The following NRAP variants were observed in gnomAD, a reference collection of about 807,000 sequenced individuals.
The protein encoded by NRAP is nebulin related anchoring protein.
In NRAP, 189 loss-of-function variants were observed where a neutral mutation model predicts 225.9. The ratio of observed to expected loss-of-function variants is 0.84; its 90% confidence interval spans 0.74 to 0.94. The LOEUF (loss-of-function observed/expected upper bound fraction) is 0.94, where lower values mean the gene tolerates loss of function less well. NRAP is among the 40% of genes least tolerant of loss of function. NRAP has a pLI of 0.00. For synonymous variants in NRAP, 769 were observed against 790.7 expected (o/e 0.97, Z 0.46); for missense variants, 2,176 against 2,168.7 (o/e 1.00, Z -0.07).
chr10:113,638,494 G>C (rs778500452), intron 14 of NRAP, among the ~76,000 whole-genome samples: 1 of 152,096 alleles, frequency 6.6e-6, no homozygotes, highest in Non-Finnish European at 1.5e-5. Context: ...GACCACAATT[G>C]TTCTTGTAAA....
At chr10:113,608,314 A>G (rs1592752082) in intron 32 of NRAP, 100 bp downstream of exon 32, 1 of 709,734 alleles carries the variant, frequency 1.4e-6, no homozygotes. Flanking sequence ...ACCTCCACAT[A>G]AACACCCATG....
At chr10:113,597,864 T>C (rs1300420599) in intron 36 of NRAP, 105 bp downstream of exon 36, 4 of 817,720 alleles carry the variant, frequency 4.9e-6, no homozygotes, top group South Asian at 1.4e-5. Flanking sequence ...GGGAGTCCAG[T>C]GGCCATGAGG....
At chr10:113,643,899 G>A (rs1849349770) in intron 11 of NRAP, among the ~76,000 whole-genome samples, 1 of 151,998 alleles carries the variant, frequency 6.6e-6, no homozygotes, top group African/African-American at 2.4e-5. Flanking sequence ...CATCCCTTCA[G>A]TTACAGTATA....
intron 14 of NRAP, among the ~76,000 whole-genome samples, chr10:113,636,922 G>A (rs12773577): frequency 0.084 from 12,556 of 148,972 alleles, 646 homozygotes; most frequent in South Asian, 0.18. Flanking sequence ...CAGGAGAATC[G>A]CTTAAATGTG....
Position 113,597,102 on chromosome 10 carries a change from T to TA in NRAP, c.4414dup (p.Tyr1472LeufsTer6). On this transcript the variant is annotated frameshift_variant, in exon 37 of 42. Transcript: ENST00000359988. LOFTEE classifies it high-confidence loss of function. ...AGGACCCACCTCATTGCAGTGCATA[T>TA]AGCTGTTCTTGGCATGAACCAGGTC... 1 of 1,612,154 alleles carries TA rather than the reference T, an allele frequency of 6.2e-7. No individual in the cohort carries two copies. The highest frequency in any genetic ancestry group is 8.5e-7 in the Non-Finnish European group (1 of 1,178,196).
intron 1 of NRAP, 73 bp from the exon 2 acceptor site, chr10:113,663,519 G>T (rs948198818): frequency 1.7e-4 from 159 of 950,970 alleles, no homozygotes; most frequent in Non-Finnish European, 2.3e-4. Flanking sequence ...ATATTTTAGG[G>T]TAAAAAAATG....
Position 113,663,360 on chromosome 10 carries a change from G to T in NRAP, c.159C>A (p.Tyr53Ter). 1 of 1,605,076 alleles carries T rather than the reference G, an allele frequency of 6.2e-7. No individual in the cohort carries two copies. The highest frequency in any genetic ancestry group is 8.5e-7 in the Non-Finnish European group (1 of 1,171,738). The change falls in exon 2 of 42, where the codon TAC (tyrosine) becomes TAA (stop). Residue 53 changes from tyrosine (Y) to a stop codon, truncating the protein, a stop_gained. Coordinates refer to ENST00000359988, the MANE Select transcript of NRAP (RefSeq NM_198060.4). LOFTEE classifies it high-confidence loss of function. ...GGGCATCAAACACTTACGCGTGACAGTACGGCTTTTTCTGGTGACTCACAA... is the reference window on the plus strand; with the variant it reads ...GGGCATCAAACACTTACGCGTGACATTACGGCTTTTTCTGGTGACTCACAA... ...NNFVSHQKKP[Y>*]CHAHNPKNNT...
Position 113,641,405 on chromosome 10 carries a change from C to T in NRAP, c.1283G>A (p.Arg428His), listed in dbSNP as rs757025097. The T allele has an allele frequency of 4.6e-5, 74 of 1,613,604 alleles. No homozygotes were observed. Among genetic ancestry groups the T allele is most frequent in the South Asian group, 1.9e-4 (17 of 91,048 alleles). Reference protein sequence around the residue: ...GRYEGVGMDRRTLHAMKVGSL... With the variant: ...GRYEGVGMDRHTLHAMKVGSL... ...GCCAACTTTCATAGCATGCAGAGTG[C>T]GTCTGTCCATACCAACTCCTTCATA... The change falls in exon 13 of 42, where the codon CGC (arginine) becomes CAC (histidine). Residue 428 changes from arginine to histidine, a missense_variant. Coordinates refer to ENST00000359988, the MANE Select transcript of NRAP (RefSeq NM_198060.4).
Position 113,663,822 on chromosome 10 carries a change from A to G in NRAP, c.61T>C (p.Cys21Arg), listed in dbSNP as rs1485422942. The G allele has an allele frequency of 6.2e-6, 10 of 1,613,122 alleles. No individual in the cohort carries two copies. The highest frequency in any genetic ancestry group is 8.5e-6 in the Non-Finnish European group (10 of 1,179,086). ...AAATGTCTACTGACCTGATCTATACAGCTGATCTTCTCGGCAGGATAAACC... is the reference window on the plus strand; with the variant it reads ...AAATGTCTACTGACCTGATCTATACGGCTGATCTTCTCGGCAGGATAAACC... ...YGVYPAEKISCIDQIWHKACF... is the reference protein window; with the variant it reads ...YGVYPAEKISRIDQIWHKACF... The change falls in exon 1 of 42, where the codon TGT becomes CGT. Residue 21 changes from cysteine to arginine, a missense_variant. By Grantham distance (180) the Cys-to-Arg change is radical (BLOSUM62 -3). Transcript: ENST00000359988.
chr10:113,589,906 T>A, intron 40 of NRAP, 109 bp from the exon 41 acceptor site: 1 of 1,263,322 alleles, frequency 7.9e-7, no homozygotes, highest in Non-Finnish European at 1.1e-6. Context: ...CTATGTTGTC[T>A]GTCATCAGTA....
Position 113,595,638 on chromosome 10 carries a change from C to T in NRAP, c.4521G>A (p.Ala1507=). 5.6e-6 allele frequency: 9 copies of T among 1,609,626 alleles called. No individual in the cohort carries two copies. The highest frequency in any genetic ancestry group is 2.2e-5 in the East Asian group (1 of 44,864). ...GTTCACTTACGTCACTCAGATGCAG[C>T]GCATTGAGGCGAGCTCGGGTGAAAT... is the stretch of plus-strand genomic sequence containing the variant. ...HPDFTRARLN[A]LHLSDKVYRN... The change falls in exon 38 of 42, where the codon GCG becomes GCA. Residue 1507 remains alanine, a synonymous_variant. Transcript: ENST00000359988.
At chr10:113,617,648 AT>A in intron 25 of NRAP, 95 bp from the exon 26 acceptor site, 2 of 768,124 alleles carry the variant, frequency 2.6e-6, no homozygotes, top group South Asian at 2.8e-5. Flanking sequence ...ATTAGAGTGA[AT>A]TTGTGAACAC....
chr10:113,626,368 T>C (rs1848294291), intron 20 of NRAP, among the ~76,000 whole-genome samples: 1 of 152,230 alleles, frequency 6.6e-6, no homozygotes, highest in East Asian at 1.9e-4. Flanking sequence ...AATGTAATTT[T>C]CTTCCTCAGT....
intron 35 of NRAP, among the ~76,000 whole-genome samples, chr10:113,599,876 C>T (rs1341004907): frequency 6.6e-6 from 1 of 152,168 alleles, no homozygotes; most frequent in Non-Finnish European, 1.5e-5. Flanking sequence ...CTCTTACATA[C>T]TAAGGTCTAG....
At position 113,645,953 on chromosome 10, in the gene NRAP, AACAC is replaced by A; in HGVS notation, c.994-16_994-13del. Reference sequence around the variant, plus strand: ...TGCCTGTATTTTATCTGAAAAAAAAAACACAAAACGGGGCTGGAGTTGATGTTTC... The same window carrying A: ...TGCCTGTATTTTATCTGAAAAAAAAAAAAACGGGGCTGGAGTTGATGTTTC... On this transcript the variant is annotated splice_polypyrimidine_tract_variant and intron_variant, in intron 10 of 41. Transcript: ENST00000359988. The A allele has an allele frequency of 3.5e-6, 5 of 1,417,716 alleles. No individual in the cohort carries two copies. Among genetic ancestry groups the A allele is most frequent in the Non-Finnish European group, 3.9e-6 (4 of 1,023,886 alleles). 87.8% of individuals were successfully genotyped at this position (1,417,716 alleles called of 1,614,324 possible).
intron 15 of NRAP, among the ~76,000 whole-genome samples, chr10:113,633,396 G>C (rs1427961410): frequency 6.6e-6 from 1 of 152,208 alleles, no homozygotes; most frequent in African/African-American, 2.4e-5. Context: ...AGGCACACTT[G>C]AAGTTGTGAG....
chr10:113,630,312 T>A (rs1848508533), intron 18 of NRAP, among the ~76,000 whole-genome samples: 1 of 152,110 alleles, frequency 6.6e-6, no homozygotes, highest in Admixed American at 6.6e-5. Flanking sequence ...ACAATGGTGG[T>A]TCGGTGGTGA....
intron 11 of NRAP, among the ~76,000 whole-genome samples, chr10:113,643,292 A>G (rs757852268): frequency 2.0e-5 from 3 of 152,252 alleles, no homozygotes; most frequent in Non-Finnish European, 4.4e-5. Context: ...ATAAGATTTC[A>G]TAACTCAAAA....
At chr10:113,621,233 G>A (rs899512058) in intron 24 of NRAP, among the ~76,000 whole-genome samples, 6 of 151,960 alleles carry the variant, frequency 3.9e-5, no homozygotes, top group Admixed American at 3.9e-4. Flanking sequence ...AGTTTTAATG[G>A]AAAGTCATTT....
Sources: gnomAD v4.1 joint callset for allele counts (sites outside exome capture counted in the v4.1 genomes callset) on GRCh38, gnomAD v4.1.1 for gene constraint, MANE v1.5 for transcripts, NCBI Gene and HGNC (gene_info 2026-07-23, HGNC 2026-07-21) for gene names.